Variants in CACNG5 observed in about 807,000 individuals in gnomAD.
CACNG5 encodes the protein voltage-dependent calcium channel gamma-5 subunit.
CACNG5 carries 18 observed loss-of-function variants against 24.8 expected under a neutral mutation model. The ratio of observed to expected loss-of-function variants is 0.73; its 90% CI spans 0.50 to 1.08. CACNG5 has a LOEUF of 1.08. CACNG5 is among the 50% of genes least tolerant of loss of function. The pLI is 0.00. For missense variants in CACNG5, 349 were observed against 367.9 expected, an observed-to-expected ratio of 0.95 and a Z score of 0.42; for synonymous variants, 157 against 149.1, an observed-to-expected ratio of 1.05 and a Z score of -0.39.
At position 66,885,275 on chromosome 17, in the gene CACNG5, C is replaced by G. The variant is rs1272547013; in HGVS notation, c.*35C>G. The G allele has an allele frequency of 1.3e-6, 2 of 1,537,464 alleles. No homozygotes were observed. Among genetic ancestry groups the G allele is most frequent in the Non-Finnish European group, 1.7e-6 (2 of 1,148,762 alleles). On this transcript the variant is annotated 3_prime_UTR_variant, in exon 6 of 6. Coordinates refer to ENST00000533854, the MANE Select transcript of CACNG5 (RefSeq NM_145811.3). ...GCCCCCATCCCTGGACTGTGGGTGG[C>G]CAGACAACCCTTCCTGTTCTCTCCA...
At chr17:66,884,086 C>T (rs1169479537) in intron 4 of CACNG5, among the ~76,000 whole-genome samples, 2 of 150,914 alleles carry the variant, frequency 1.3e-5, no homozygotes, top group African/African-American at 4.9e-5. Context: ...GAGCCGAGAT[C>T]GCGCCATTGC....
chr17:66,842,964 A>G (rs1004446791), intron 1 of CACNG5, among the ~76,000 whole-genome samples: 5 of 152,210 alleles, frequency 3.3e-5, no homozygotes, highest in African/African-American at 1.2e-4. Context: ...TTTCTAAAGC[A>G]CTGTCTTCAG....
chr17:66,853,938 A>G (rs1461281198), intron 1 of CACNG5, among the ~76,000 whole-genome samples: 1 of 152,190 alleles, frequency 6.6e-6, no homozygotes, highest in Non-Finnish European at 1.5e-5. Context: ...AAGACAAGAA[A>G]AAAATGAGGT....
In CACNG5 at chr17:66,883,949, A is replaced by G. The variant is rs948819443; in HGVS notation, c.425-567A>G. On this transcript the variant is annotated intron_variant, in intron 4 of 5. Transcript: ENST00000533854. ...GGAGTTCGAGACCAACCTTGCCAAC[A>G]TGGAGAAACCTTGTCTCTACTAAAC... is the stretch of plus-strand genomic sequence containing the variant. 1.1e-4 allele frequency among the ~76,000 whole-genome samples: 17 copies of G among 152,130 alleles called. 1 individual carries two copies. The highest frequency in any genetic ancestry group is 2.4e-5 in the African/African-American group (1 of 41,412).
At chr17:66,883,122 A>T (rs2143127829) in intron 4 of CACNG5, among the ~76,000 whole-genome samples, 1 of 152,292 alleles carries the variant, frequency 6.6e-6, no homozygotes, top group African/African-American at 2.4e-5. Context: ...ACACATATTT[A>T]TTGAGCACCA....
rs963420578 is a variant in CACNG5 at position 66,892,423 on chromosome 17, C to T, written c.*7183C>T. 3.3e-5 allele frequency among the ~76,000 whole-genome samples: 5 copies of T among 152,254 alleles called. No homozygotes were observed. The highest frequency in any genetic ancestry group is 6.5e-5 in the Admixed American group (1 of 15,288). ...TGTCAGGGCCAAGCAAGCAGGGATG[C>T]AAGCAGGGATGATAAATCCTTAGAA... On this transcript the variant is annotated 3_prime_UTR_variant, in exon 6 of 6. Transcript: ENST00000533854.
intron 1 of CACNG5, among the ~76,000 whole-genome samples, chr17:66,868,789 C>G (rs1976964000): frequency 6.6e-6 from 1 of 152,160 alleles, no homozygotes; most frequent in South Asian, 2.1e-4. Context: ...CCACTGTGCC[C>G]ACCATGAAGA....
At chr17:66,841,017 A>C (rs184500966) in intron 1 of CACNG5, among the ~76,000 whole-genome samples, 1 of 152,126 alleles carries the variant, frequency 6.6e-6, no homozygotes, top group Non-Finnish European at 1.5e-5. Flanking sequence ...GGTCTCAGTT[A>C]ATTTAGGAAG....
intron 1 of CACNG5, among the ~76,000 whole-genome samples, chr17:66,857,810 C>T (rs1044128947): frequency 1.3e-5 from 2 of 152,174 alleles, no homozygotes; most frequent in African/African-American, 4.8e-5. Context: ...ACATTAGAAT[C>T]AACTGAGAGT....
intron 1 of CACNG5, among the ~76,000 whole-genome samples, chr17:66,845,188 G>C (rs139234713): frequency 6.6e-6 from 1 of 152,178 alleles, no homozygotes; most frequent in Non-Finnish European, 1.5e-5. Flanking sequence ...AAACTAACAC[G>C]GGAACAGAAA....
At chr17:66,859,794 A>G (rs1976830487) in intron 1 of CACNG5, among the ~76,000 whole-genome samples, 2 of 152,106 alleles carry the variant, frequency 1.3e-5, no homozygotes, top group African/African-American at 4.8e-5. Flanking sequence ...GTGTCCAGCA[A>G]GAAACACTCG....
intron 1 of CACNG5, among the ~76,000 whole-genome samples, chr17:66,840,114 C>T (rs925961567): frequency 3.3e-5 from 5 of 152,192 alleles, no homozygotes; most frequent in African/African-American, 1.2e-4. Context: ...CTCCGCTTTG[C>T]GGGGCTTTTG....
chr17:66,873,462 A>G (rs1977037827), intron 1 of CACNG5, among the ~76,000 whole-genome samples: 1 of 152,044 alleles, frequency 6.6e-6, no homozygotes, highest in African/African-American at 2.4e-5. Flanking sequence ...TTAAGATCCA[A>G]TCTCCTCTCC....
intron 1 of CACNG5, among the ~76,000 whole-genome samples, chr17:66,854,285 G>A (rs370174886): frequency 6.6e-5 from 10 of 151,662 alleles, no homozygotes; most frequent in African/African-American, 9.7e-5. Flanking sequence ...AAAATTAGCC[G>A]GGCATGGTGG....
chr17:66,842,638 C>A (rs1976584259), intron 1 of CACNG5, among the ~76,000 whole-genome samples: 1 of 152,184 alleles, frequency 6.6e-6, no homozygotes, highest in African/African-American at 2.4e-5. Flanking sequence ...TAAAGAGAGG[C>A]AGGACCCACA....
intron 1 of CACNG5, among the ~76,000 whole-genome samples, chr17:66,862,305 C>A (rs975400912): frequency 2.0e-5 from 3 of 151,644 alleles, no homozygotes; most frequent in African/African-American, 7.3e-5. Context: ...GTTGGGGAGA[C>A]GTGAATAGGG....
chr17:66,865,769 A>G (rs1323249278), intron 1 of CACNG5, among the ~76,000 whole-genome samples: 1 of 150,264 alleles, frequency 6.7e-6, no homozygotes, highest in Non-Finnish European at 1.5e-5. Context: ...AGCTGGGACT[A>G]CAGGCGCCCA....
intron 1 of CACNG5, among the ~76,000 whole-genome samples, chr17:66,837,518 C>T (rs1048213443): frequency 1.3e-5 from 2 of 152,236 alleles, no homozygotes; most frequent in Admixed American, 1.3e-4. Context: ...GTCCTACTCC[C>T]TGGCAGAATT....
chr17:66,840,300 T>C (rs1258514131), intron 1 of CACNG5, among the ~76,000 whole-genome samples: 1 of 152,184 alleles, frequency 6.6e-6, no homozygotes, highest in African/African-American at 2.4e-5. Context: ...TCAAAGCCAA[T>C]ATCCCAGGAG....
Sources: allele counts gnomAD v4.1 joint callset (sites outside exome capture counted in the v4.1 genomes callset), GRCh38; gene constraint gnomAD v4.1.1; transcripts MANE v1.5; gene names NCBI Gene and HGNC (gene_info 2026-07-23, HGNC 2026-07-21).